The following ABCC5 variants were observed in gnomAD, a reference collection of about 807,000 sequenced individuals.
ABCC5 encodes the protein ATP-binding cassette sub-family C member 5.
Under a neutral mutation model 160.9 loss-of-function variants are expected in ABCC5, and 61 were observed. The ratio of observed to expected loss-of-function variants is 0.38; its 90% confidence interval spans 0.31 to 0.47. The LOEUF (loss-of-function observed/expected upper bound fraction) is 0.47, where lower values mean the gene tolerates loss of function less well. Ranked by LOEUF, ABCC5 falls within the 20% of genes least tolerant of loss-of-function variation. The probability of loss-of-function intolerance (pLI) is 0.99; values close to 1 mark genes in which losing one functional copy is unlikely to be tolerated. For synonymous variants in ABCC5, 666 were observed against 700.6 expected (o/e 0.95, Z 0.78); for missense variants, 1,308 against 1,813.3 (o/e 0.72, Z 5.06).
chr3:183,934,716 G>A (rs921184434), intron 26 of ABCC5, among the ~76,000 whole-genome samples: 4 of 152,116 alleles, frequency 2.6e-5, no homozygotes, highest in Admixed American at 6.5e-5. Context: ...GACGTCTCAC[G>A]ATGTTGCCCA....
chr3:184,001,079 C>G, intron 2 of ABCC5: 1 of 406,840 alleles, frequency 2.5e-6, no homozygotes, highest in Middle Eastern at 6.3e-4. Flanking sequence ...CCTCCAAAAC[C>G]CCATCACTAT....
chr3:183,987,758 G>A lies in ABCC5; in HGVS notation c.591+12C>T. 6.2e-7 allele frequency: 1 copy of A among 1,614,174 alleles called. No homozygotes were observed. Among genetic ancestry groups the A allele is most frequent in the Non-Finnish European group, 8.5e-7 (1 of 1,180,022 alleles). ...CCCCTGGAGACTGTCGGAAAGGATG[G>A]TTAGAACTTACTGGTCCACTGAAGC... is the stretch of plus-strand genomic sequence containing the variant. On this transcript the variant is annotated intron_variant, in intron 5 of 29. Coordinates refer to ENST00000334444, the MANE Select transcript of ABCC5 (RefSeq NM_005688.4). This position sits in a 1 kb window ranked among gnomAD's most constrained non-coding sequence, Gnocchi z 4.2.
chr3:183,973,329 A>T (rs975647266), intron 10 of ABCC5, among the ~76,000 whole-genome samples: 3 of 152,136 alleles, frequency 2.0e-5, no homozygotes, highest in Admixed American at 6.5e-5. Flanking sequence ...CTGGGATTAC[A>T]GGTGTGAGCC....
chr3:183,923,624 A>G (rs920015743), intron 29 of ABCC5, among the ~76,000 whole-genome samples: 1 of 152,194 alleles, frequency 6.6e-6, no homozygotes, highest in Non-Finnish European at 1.5e-5. Flanking sequence ...CTCTGGCTCA[A>G]AAAAAGAAAA....
At chr3:183,933,699 C>A (rs1713401623) in intron 26 of ABCC5, among the ~76,000 whole-genome samples, 1 of 152,050 alleles carries the variant, frequency 6.6e-6, no homozygotes, top group South Asian at 2.1e-4. Flanking sequence ...GGGTGTGGTC[C>A]CAAATTATCT....
Position 183,942,796 on chromosome 3 carries a change from C to T in ABCC5, c.3625G>A (p.Val1209Ile), listed in dbSNP as rs1714493757. 4 of 1,614,128 alleles carry T rather than the reference C, an allele frequency of 2.5e-6. No homozygotes were observed. The highest frequency in any genetic ancestry group is 1.1e-5 in the South Asian group (1 of 91,080). Residue 1209 changes from valine to isoleucine, a missense_variant, in exon 25 of 30, where the codon GTC becomes ATC. Val to Ile is a conservative substitution (Grantham distance 29). Coordinates refer to ENST00000334444, the MANE Select transcript of ABCC5 (RefSeq NM_005688.4). ...ATCGTGAAGGATACTTTCTTTAGGA[C>T]GAGAGGGAGGTTTTCTCGGTACCTC... The part of the protein sequence containing the change: ...EMRYRENLPL[V>I]LKKVSFTIKP...
At chr3:183,966,725 G>C (rs760972439) in intron 12 of ABCC5, among the ~76,000 whole-genome samples, 17 of 152,026 alleles carry the variant, frequency 1.1e-4, no homozygotes, top group Non-Finnish European at 2.2e-4. Context: ...GTGTCATAAA[G>C]CAGAAGGTGG....
rs1445456146 is a variant in ABCC5, at chr3:183,983,013, G to C, written c.592-6C>G. On this transcript the variant is annotated splice_polypyrimidine_tract_variant and splice_region_variant and intron_variant, in intron 5 of 29. Coordinates refer to ENST00000334444, the MANE Select transcript of ABCC5 (RefSeq NM_005688.4). ...AGGTGTTTCACCATGAAGGCCTACA[G>C]GGAGAGACACACACCACTGTCAACA... The C allele has an allele frequency of 6.2e-7, 1 of 1,608,668 alleles. No homozygotes were observed.
intron 2 of ABCC5, among the ~76,000 whole-genome samples, chr3:183,993,271 G>A (rs1719942367): frequency 6.6e-6 from 1 of 152,058 alleles, no homozygotes; most frequent in Non-Finnish European, 1.5e-5. Flanking sequence ...GACTCCTTAG[G>A]TCAGGAGTCT....
intron 26 of ABCC5, among the ~76,000 whole-genome samples, chr3:183,930,357 G>A (rs928385384): frequency 1.3e-5 from 2 of 152,318 alleles, no homozygotes; most frequent in Non-Finnish European, 2.9e-5. Context: ...TTTGCACGGC[G>A]TTTTTCCCGC....
chr3:183,927,187 G>C, intron 28 of ABCC5, 143 bp downstream of exon 28: 1 of 801,910 alleles, frequency 1.2e-6, no homozygotes, highest in Non-Finnish European at 1.9e-6. Flanking sequence ...AATTGTGTCA[G>C]GGTTAGAGTT....
In ABCC5 at chr3:183,988,758, A is replaced by G; in HGVS notation, c.288-31T>C. 1.2e-6 allele frequency: 2 copies of G among 1,607,592 alleles called. No homozygotes were observed. The highest frequency in any genetic ancestry group is 1.3e-5 in the African/African-American group (1 of 74,724). On this transcript the variant is annotated intron_variant, in intron 3 of 29. Transcript: ENST00000334444. This position sits in a 1 kb window ranked among gnomAD's most constrained non-coding sequence, Gnocchi z 4.4. Reference sequence around the variant, plus strand: ...GAGAGAAAACCGAAATCACAAAGCTATCAACACGCACGGAGAGGGCAGCCC... The same window carrying G: ...GAGAGAAAACCGAAATCACAAAGCTGTCAACACGCACGGAGAGGGCAGCCC...
chr3:183,971,528 G>A, intron 11 of ABCC5, 35 bp downstream of exon 11: 1 of 1,585,034 alleles, frequency 6.3e-7, no homozygotes, highest in Non-Finnish European at 8.6e-7. Flanking sequence ...GGGGTGGTGG[G>A]GTGCGGGCAG....
intron 17 of ABCC5, among the ~76,000 whole-genome samples, chr3:183,956,293 ATC>A (rs1426952485): frequency 6.6e-6 from 1 of 151,402 alleles, no homozygotes; most frequent in African/African-American, 2.4e-5. Flanking sequence ...TGTATATCAC[ATC>A]TGTTACATGC....
At chr3:183,964,254 TTAACTG>T (rs1451686568) in intron 14 of ABCC5, among the ~76,000 whole-genome samples, 1 of 152,250 alleles carries the variant, frequency 6.6e-6, no homozygotes, top group Non-Finnish European at 1.5e-5. Flanking sequence ...TCTCATCCTC[TTAACTG>T]TACACTTCTT....
chr3:183,926,961 C>A (rs992150935), intron 28 of ABCC5, among the ~76,000 whole-genome samples: 1 of 151,970 alleles, frequency 6.6e-6, no homozygotes, highest in Admixed American at 6.6e-5. Context: ...AGGAGAATCA[C>A]TTGAACCTGG....
intron 8 of ABCC5, among the ~76,000 whole-genome samples, chr3:183,979,304 C>T (rs1369000653): frequency 2.7e-5 from 4 of 150,062 alleles, no homozygotes; most frequent in African/African-American, 7.4e-5. Flanking sequence ...GAGATTGCAC[C>T]GCTGTATTCC....
At chr3:184,003,459 A>G (rs960501862) in intron 2 of ABCC5, among the ~76,000 whole-genome samples, 6 of 152,152 alleles carry the variant, frequency 3.9e-5, no homozygotes, top group Non-Finnish European at 2.9e-5. Flanking sequence ...CATTTCAGTC[A>G]AGAGGATCAG....
rs772502692 is a variant in ABCC5, at chr3:183,981,826, C to T, written c.1048G>A (p.Ala350Thr). The part of the protein sequence containing the change: ...TAYFRRKCVA[A>T]TDERVQKMNE... ...ATCTTCTGGACACGTTCATCCGTGG[C>T]GGCCACGCATTTTCTCCTGAAATAT... Residue 350 changes from alanine to threonine, a missense_variant, in exon 8 of 30, where the codon GCC (alanine) becomes ACC (threonine). Transcript: ENST00000334444. 9 of 1,610,620 alleles carry T rather than the reference C, an allele frequency of 5.6e-6. No individual in the cohort carries two copies. Among genetic ancestry groups the T allele is most frequent in the African/African-American group, 2.7e-5 (2 of 74,738 alleles).
Sources: allele counts gnomAD v4.1 joint callset (sites outside exome capture counted in the v4.1 genomes callset), GRCh38; gene constraint gnomAD v4.1.1; non-coding constraint Gnocchi (gnomAD v3.1); transcripts MANE v1.5; gene names NCBI Gene and HGNC (gene_info 2026-07-23, HGNC 2026-07-21).